The following DPYD variants were observed in gnomAD, a reference collection of about 807,000 sequenced individuals.
DPYD encodes dihydropyrimidine dehydrogenase, also known as dihydropyrimidine dehydrogenase [NADP(+)].
DPYD carries 109 observed loss-of-function variants against 116.2 expected under a neutral mutation model. The ratio of observed to expected loss-of-function variants is 0.94; its 90% confidence interval spans 0.80 to 1.10. The LOEUF is 1.10. Among genes scored for constraint, DPYD ranks in the 50% least tolerant of loss-of-function variants. The pLI, the probability that DPYD is intolerant of heterozygous loss-of-function variation, is 0.00. For synonymous variants in DPYD, 440 were observed against 432.0 expected (o/e 1.02, Z -0.23); for missense variants, 1,302 against 1,254.5 (o/e 1.04, Z -0.57).
chr1:97,510,746 T>C (rs1050471043), intron 13 of DPYD, among the ~76,000 whole-genome samples: 2 of 151,978 alleles, frequency 1.3e-5, no homozygotes, highest in Admixed American at 1.3e-4. Flanking sequence ...TGAACATACA[T>C]TGACTTTGTA....
intron 19 of DPYD, among the ~76,000 whole-genome samples, chr1:97,206,490 T>C (rs186610730): frequency 4.0e-4 from 61 of 151,212 alleles, no homozygotes; most frequent in Non-Finnish European, 7.4e-5. Context: ...TTGATTAAGA[T>C]CACACAGCTA....
intron 19 of DPYD, among the ~76,000 whole-genome samples, chr1:97,206,680 ATATATATAATC>A (rs1239167490): frequency 2.3e-5 from 2 of 87,348 alleles, no homozygotes; most frequent in African/African-American, 4.8e-5. Context: ...ATATATATAT[ATATATATAATC>A]TATATGCTTA....
chr1:97,457,101 T>G (rs910173560), intron 13 of DPYD, among the ~76,000 whole-genome samples: 2 of 152,042 alleles, frequency 1.3e-5, no homozygotes, highest in Non-Finnish European at 2.9e-5. Flanking sequence ...GGGAAGACAG[T>G]GGAAGAAGTA....
chr1:97,422,153 G>GT (rs1674621503), intron 14 of DPYD, among the ~76,000 whole-genome samples: 1 of 152,080 alleles, frequency 6.6e-6, no homozygotes, highest in Admixed American at 6.6e-5. Context: ...ATCAGCATTG[G>GT]TTTTGGGAAG....
intron 20 of DPYD, among the ~76,000 whole-genome samples, chr1:97,134,319 A>G (rs1653617300): frequency 6.6e-6 from 1 of 152,018 alleles, no homozygotes; most frequent in Non-Finnish European, 1.5e-5. Context: ...CTTTCCTCTG[A>G]AAAATGATCA....
chr1:97,203,695 AGTCT>A (rs1659391237), intron 19 of DPYD, among the ~76,000 whole-genome samples: 1 of 120,964 alleles, frequency 8.3e-6, no homozygotes, highest in Non-Finnish European at 1.7e-5. Context: ...AAAGAGAAAA[AGTCT>A]ATAGGGAAAA....
At position 97,813,703 on chromosome 1, in the gene DPYD, T is replaced by A. The variant is rs12059052; in HGVS notation, c.233+14411A>T. Among the ~76,000 whole-genome samples, 101 of 152,052 alleles carry A rather than the reference T, an allele frequency of 6.6e-4. 3 individuals are homozygous for A. Among genetic ancestry groups the A allele is most frequent in the African/African-American group, 2.3e-3 (97 of 41,466 alleles). ...AATGTCCCTTAAAGTGGGACAGAGC[T>A]ATAAGCCTGAAGTTAGAAAACATAC... On this transcript the variant is annotated intron_variant, in intron 3 of 22. Coordinates refer to ENST00000370192, the MANE Select transcript of DPYD (RefSeq NM_000110.4).
rs1670570610 is a variant in DPYD, at chr1:97,851,611, C to T, written c.151-23415G>A. The stretch of plus-strand genomic sequence containing the variant: ...AACATTTTACAGAAAGTTTCTGTCC[C>T]GAAGTCCAAATATGATATTTAACCC... On this transcript the variant is annotated intron_variant, in intron 2 of 22. Coordinates refer to ENST00000370192, the MANE Select transcript of DPYD (RefSeq NM_000110.4). Among the ~76,000 whole-genome samples, 7 of 151,612 alleles carry T rather than the reference C, an allele frequency of 4.6e-5. No homozygotes were observed. In the South Asian group the frequency reaches 1.0e-3, roughly 23 times the overall value.
chr1:97,566,702 C>T (rs981806262), intron 11 of DPYD, among the ~76,000 whole-genome samples: 1 of 152,008 alleles, frequency 6.6e-6, no homozygotes, highest in Non-Finnish European at 1.5e-5. Context: ...TCCCCCTTCC[C>T]CTTTATTTTT....
intron 18 of DPYD, among the ~76,000 whole-genome samples, chr1:97,253,094 G>A (rs1177344859): frequency 1.3e-5 from 2 of 152,052 alleles, no homozygotes; most frequent in African/African-American, 4.8e-5. Flanking sequence ...GCCAAAAAAC[G>A]GGCTATCACT....
At chr1:97,407,905 C>G (rs1673761224) in intron 14 of DPYD, among the ~76,000 whole-genome samples, 1 of 152,146 alleles carries the variant, frequency 6.6e-6, no homozygotes. Context: ...GTTAAGATTG[C>G]CACCTGGCCA....
intron 14 of DPYD, among the ~76,000 whole-genome samples, chr1:97,441,152 C>T (rs1484014748): frequency 6.6e-6 from 1 of 152,012 alleles, no homozygotes; most frequent in East Asian, 1.9e-4. Flanking sequence ...GATTACATTA[C>T]TGCCTGGTAT....
At chr1:97,298,323 G>C (rs1558009639) in intron 18 of DPYD, among the ~76,000 whole-genome samples, 1 of 151,986 alleles carries the variant, frequency 6.6e-6, no homozygotes, top group Admixed American at 6.6e-5. Flanking sequence ...CTGGAGAAGA[G>C]GTCCAGCAAT....
At chr1:97,190,694 A>T (rs1342066469) in intron 20 of DPYD, among the ~76,000 whole-genome samples, 1 of 152,228 alleles carries the variant, frequency 6.6e-6, no homozygotes, top group Admixed American at 6.6e-5. Context: ...TAAGGTAAGC[A>T]TAAGGAAAGT....
chr1:97,430,553 C>A (rs1331483981), intron 14 of DPYD, among the ~76,000 whole-genome samples: 1 of 150,980 alleles, frequency 6.6e-6, no homozygotes, highest in Non-Finnish European at 1.5e-5. Flanking sequence ...CGCGTCACTG[C>A]ACTCCAGCCT....
chr1:97,363,819 G>T (rs1204591230), intron 16 of DPYD, among the ~76,000 whole-genome samples: 1 of 152,262 alleles, frequency 6.6e-6, no homozygotes, highest in East Asian at 1.9e-4. Context: ...GGGAGCAGGG[G>T]GAGGGACAGC....
chr1:97,078,680 CA>C lies in DPYD; in HGVS notation c.*295del. On this transcript the variant is annotated 3_prime_UTR_variant, in exon 23 of 23. Coordinates refer to ENST00000370192, the MANE Select transcript of DPYD (RefSeq NM_000110.4). ...TTGGAAACTGTCACACTAATTGCCA[CA>C]AAAAAGTTAATTTTTCACATAAGAC... is the stretch of plus-strand genomic sequence containing the variant. 1 of 391,818 alleles carries C rather than the reference CA, an allele frequency of 2.6e-6. No individual in the cohort carries two copies. Among genetic ancestry groups the C allele is most frequent in the Non-Finnish European group, 4.8e-6 (1 of 208,150 alleles). The allele number at this position is 391,818 out of a possible 1,614,324, so 24.3% of individuals were successfully genotyped here. A position where few individuals can be genotyped will look rare whatever the true frequency, so the allele number is the denominator to read the frequency against.
At chr1:97,460,370 A>G (rs1454813746) in intron 13 of DPYD, among the ~76,000 whole-genome samples, 1 of 152,152 alleles carries the variant, frequency 6.6e-6, no homozygotes, top group Non-Finnish European at 1.5e-5. Flanking sequence ...TCTACCACTG[A>G]TGAGGATTTC....
intron 20 of DPYD, among the ~76,000 whole-genome samples, chr1:97,100,390 A>AC (rs1233947261): frequency 2.0e-5 from 3 of 151,858 alleles, no homozygotes; most frequent in Non-Finnish European, 4.4e-5. Flanking sequence ...TCAGAATGTC[A>AC]CCCCCTGCGT....
Sources: gnomAD v4.1 joint callset for allele counts (sites outside exome capture counted in the v4.1 genomes callset) on GRCh38, gnomAD v4.1.1 for gene constraint, MANE v1.5 for transcripts, NCBI Gene and HGNC (gene_info 2026-07-23, HGNC 2026-07-21) for gene names.